Variants in EPM2A observed in about 807,000 individuals in gnomAD.
EPM2A encodes the protein EPM2A glucan phosphatase, laforin.
Under a neutral mutation model 26.5 loss-of-function variants are expected in EPM2A, and 21 were observed. The observed-to-expected ratio is 0.79, with a 90% CI of 0.56 to 1.14. The LOEUF (loss-of-function observed/expected upper bound fraction) is 1.14. Ranked by LOEUF, EPM2A falls within the 50% of genes most tolerant of loss-of-function variation. EPM2A has a pLI of 0.00. For synonymous variants in EPM2A, 217 were observed against 177.6 expected (o/e 1.22, Z -1.76); for missense variants, 458 against 440.8 (o/e 1.04, Z -0.35).
chr6:145,605,488 CAG>C (rs1775223859), intron 2 of EPM2A, among the ~76,000 whole-genome samples: 1 of 152,066 alleles, frequency 6.6e-6, no homozygotes, highest in Non-Finnish European at 1.5e-5. Context: ...TTGTCTGAAA[CAG>C]AGCTACACTG....
intron 1 of EPM2A, among the ~76,000 whole-genome samples, chr6:145,709,970 G>C (rs1775212323): frequency 6.6e-6 from 1 of 152,166 alleles, no homozygotes; most frequent in Non-Finnish European, 1.5e-5. Flanking sequence ...ATTAATTCAA[G>C]ATGGATTAAA....
chr6:145,521,171 G>T (rs1013888740), intron 2 of EPM2A, among the ~76,000 whole-genome samples: 1 of 152,182 alleles, frequency 6.6e-6, no homozygotes, highest in Non-Finnish European at 1.5e-5. Context: ...AAAGGTATGT[G>T]TGCTGGATTC....
intron 4 of EPM2A, among the ~76,000 whole-genome samples, chr6:145,423,552 A>C (rs777523225): frequency 1.8e-4 from 27 of 152,216 alleles, no homozygotes; most frequent in Non-Finnish European, 4.0e-4. Flanking sequence ...GGAAGCAAGT[A>C]TTCACACATT....
intron 4 of EPM2A, among the ~76,000 whole-genome samples, chr6:145,464,482 ATT>A (rs1779362323): frequency 6.6e-6 from 1 of 151,800 alleles, no homozygotes; most frequent in Non-Finnish European, 1.5e-5. Context: ...AAGCTTTGTA[ATT>A]TTTTCCTACC....
chr6:145,691,410 A>G (rs1451159591), intron 1 of EPM2A, among the ~76,000 whole-genome samples: 1 of 152,186 alleles, frequency 6.6e-6, no homozygotes, highest in Admixed American at 6.5e-5. Context: ...CAGGAAAAAA[A>G]GGGAAAATCA....
At chr6:145,570,894 A>G (rs1425444731) in intron 2 of EPM2A, among the ~76,000 whole-genome samples, 3 of 152,246 alleles carry the variant, frequency 2.0e-5, no homozygotes, top group African/African-American at 7.2e-5. Context: ...TTCTGGGTCA[A>G]TCACCCCAGC....
At chr6:145,402,411 G>A (rs995102044) in intron 4 of EPM2A, among the ~76,000 whole-genome samples, 6 of 152,112 alleles carry the variant, frequency 3.9e-5, no homozygotes, top group African/African-American at 1.4e-4. Flanking sequence ...CCAGATTAAA[G>A]GAGATAAAGA....
In EPM2A at chr6:145,513,530, C is replaced by T. The variant is rs1234559551; in HGVS notation, c.341-10955G>A. Among the ~76,000 whole-genome samples the T allele has an allele frequency of 2.0e-5, 3 of 152,326 alleles. No homozygotes were observed. In the East Asian group the frequency reaches 5.8e-4, roughly 29 times the overall value. Reference sequence around the variant, plus strand: ...CTGAAAATAGAACTATTAGATCCAGCAACCTTACTACTAAGTATCTTCCCA... The same window carrying T: ...CTGAAAATAGAACTATTAGATCCAGTAACCTTACTACTAAGTATCTTCCCA... On this transcript the variant is annotated intron_variant, in intron 2 of 3. Coordinates refer to the EPM2A transcript ENST00000450221.
intron 4 of EPM2A, among the ~76,000 whole-genome samples, chr6:145,420,650 T>A: frequency 6.6e-6 from 1 of 152,188 alleles, no homozygotes; most frequent in Non-Finnish European, 1.5e-5. Flanking sequence ...GTATATAATT[T>A]ATGGTACTAA....
chr6:145,541,199 G>GTA (rs1256535167), intron 2 of EPM2A, among the ~76,000 whole-genome samples: 1 of 150,984 alleles, frequency 6.6e-6, no homozygotes, highest in East Asian at 1.9e-4. Flanking sequence ...GTGTGTGTGT[G>GTA]TGTGTGTGTG....
At chr6:145,650,601 T>C (rs1562443291) in intron 2 of EPM2A, among the ~76,000 whole-genome samples, 3 of 152,236 alleles carry the variant, frequency 2.0e-5, no homozygotes, top group Middle Eastern at 3.4e-3. Flanking sequence ...ATTAATCAAG[T>C]ACAATCCTAG....
In EPM2A at chr6:145,558,255, G is replaced by A. The variant is rs540412539; in HGVS notation, c.341-55680C>T. Among the ~76,000 whole-genome samples, 7 of 152,088 alleles carry A rather than the reference G, an allele frequency of 4.6e-5. No individual in the cohort carries two copies. The East Asian group carries it at 9.7e-4, about 21-fold the overall frequency. Reference sequence around the variant, plus strand: ...ATGAGAACAGTTTGGGGGCATGATCGTGAGGCCTCTCTAGCTTCATGGAAC... The same window carrying A: ...ATGAGAACAGTTTGGGGGCATGATCATGAGGCCTCTCTAGCTTCATGGAAC... On this transcript the variant is annotated intron_variant, in intron 2 of 3. Transcript: ENST00000450221.
chr6:145,464,873 G>A (rs1779368218), intron 4 of EPM2A, among the ~76,000 whole-genome samples: 1 of 151,922 alleles, frequency 6.6e-6, no homozygotes, highest in Non-Finnish European at 1.5e-5. Context: ...TCCCTTTGAG[G>A]GTAACCCAAC....
intron 2 of EPM2A, among the ~76,000 whole-genome samples, chr6:145,657,359 G>T (rs1489615586): frequency 6.6e-6 from 1 of 151,934 alleles, no homozygotes; most frequent in Middle Eastern, 3.2e-3. Flanking sequence ...AATGTGCTGG[G>T]ATTACAGGCA....
intron 2 of EPM2A, among the ~76,000 whole-genome samples, chr6:145,534,894 G>T (rs1780410314): frequency 6.6e-6 from 1 of 152,090 alleles, no homozygotes; most frequent in African/African-American, 2.4e-5. Flanking sequence ...AGCTTGTTTA[G>T]GTACCACCTC....
chr6:145,483,663 A>G (rs1396295166), intron 4 of EPM2A, among the ~76,000 whole-genome samples: 2 of 152,178 alleles, frequency 1.3e-5, no homozygotes, highest in Non-Finnish European at 2.9e-5. Context: ...AAGCAATTTC[A>G]TATTAGTCAA....
At chr6:145,574,753 C>G (rs895993104) in intron 2 of EPM2A, among the ~76,000 whole-genome samples, 1 of 152,154 alleles carries the variant, frequency 6.6e-6, no homozygotes, top group African/African-American at 2.4e-5. Flanking sequence ...GCTAACCAAG[C>G]AAATAAACTA....
At chr6:145,401,713 G>T (rs777975639) in intron 4 of EPM2A, among the ~76,000 whole-genome samples, 1 of 152,066 alleles carries the variant, frequency 6.6e-6, no homozygotes, top group Non-Finnish European at 1.5e-5. Flanking sequence ...GCTTTATCAT[G>T]CCTAAGGGCT....
intron 1 of EPM2A, among the ~76,000 whole-genome samples, chr6:145,711,847 A>G (rs1775345349): frequency 6.6e-6 from 1 of 152,190 alleles, no homozygotes. Flanking sequence ...GGGTCCTCAA[A>G]AAGTTCACAG....
Sources: gnomAD v4.1 joint callset for allele counts (sites outside exome capture counted in the v4.1 genomes callset) on GRCh38, gnomAD v4.1.1 for gene constraint, MANE v1.5 for transcripts, NCBI Gene and HGNC (gene_info 2026-07-23, HGNC 2026-07-21) for gene names.